Variants in SVOP observed in about 807,000 individuals in gnomAD.
The protein encoded by SVOP is SV2 related protein, also known as synaptic vesicle 2-related protein.
In SVOP, 17 loss-of-function variants were observed where a neutral mutation model predicts 69.1. That is an observed-to-expected ratio of 0.25 (90% CI 0.17 to 0.37). The LOEUF is 0.37. Ranked by LOEUF, SVOP falls within the 10% of genes least tolerant of loss-of-function variation. The pLI, the probability that SVOP is intolerant of heterozygous loss-of-function variation, is 1.00. For synonymous variants in SVOP, 238 were observed against 238.6 expected (o/e 1.00, Z 0.02); for missense variants, 435 against 597.5 (o/e 0.73, Z 2.84).
Position 108,910,134 on chromosome 12 carries a change from TTGTA to T in SVOP, c.*2397_*2400del. On this transcript the variant is annotated 3_prime_UTR_variant, in exon 16 of 16. Transcript: ENST00000610966. ...GCCACCACACCTGGCTAATTTTTTT[TTGTA>T]TTTTTAGTAGAGACGGGGTTTCACC... 1 of 152,142 alleles carries T rather than the reference TTGTA, an allele frequency of 6.6e-6. No homozygotes were observed. Among genetic ancestry groups the T allele is most frequent in the African/African-American group, 2.4e-5 (1 of 41,418 alleles). The allele number at this position is 152,142 out of a possible 1,614,324, so 9.4% of individuals were successfully genotyped here. A position where few individuals can be genotyped will look rare whatever the true frequency, so the allele number is the denominator to read the frequency against.
At chr12:108,916,000 C>T (rs575423171) in intron 14 of SVOP, 128 bp from the exon 15 acceptor site, 52 of 836,046 alleles carry the variant, frequency 6.2e-5, no homozygotes, top group South Asian at 2.7e-4. Flanking sequence ...GTGCTGGTGA[C>T]GCCCTTAAGG....
chr12:108,959,126 A>G (rs1392567959), intron 6 of SVOP, among the ~76,000 whole-genome samples: 1 of 152,122 alleles, frequency 6.6e-6, no homozygotes, highest in East Asian at 1.9e-4. Flanking sequence ...GGTGGAATAA[A>G]TGAATACACT....
At chr12:108,945,251 A>G in intron 6 of SVOP, 85 bp from the exon 7 acceptor site, 1 of 1,317,048 alleles carries the variant, frequency 7.6e-7, no homozygotes, top group Non-Finnish European at 1.1e-6. Flanking sequence ...TGCAGCCGAC[A>G]TTCCTCCAAG....
At chr12:108,973,656 C>G (rs1273540915) in intron 4 of SVOP, among the ~76,000 whole-genome samples, 1 of 152,200 alleles carries the variant, frequency 6.6e-6, no homozygotes, top group Non-Finnish European at 1.5e-5. Context: ...ACATCAGCCT[C>G]CCACAGTGCT....
chr12:109,001,198 C>A (rs2040267273), intron 1 of SVOP, among the ~76,000 whole-genome samples: 1 of 61,722 alleles, frequency 1.6e-5, no homozygotes. Flanking sequence ...TGAGTGAACT[C>A]CCATTCACAA....
At chr12:109,018,539 T>C (rs1053651433) in intron 1 of SVOP, among the ~76,000 whole-genome samples, 3 of 152,182 alleles carry the variant, frequency 2.0e-5, no homozygotes, top group African/African-American at 7.2e-5. Context: ...TTTTTAGCCA[T>C]ATTGCTCTCG....
At chr12:108,934,053 T>G in intron 11 of SVOP, 142 bp downstream of exon 11, 1 of 659,974 alleles carries the variant, frequency 1.5e-6, no homozygotes, top group Non-Finnish European at 2.5e-6. Context: ...TGTCCAGGTT[T>G]CTACAGAGTG....
At chr12:109,002,544 A>T (rs1487088532) in intron 1 of SVOP, among the ~76,000 whole-genome samples, 1 of 145,766 alleles carries the variant, frequency 6.9e-6, no homozygotes, top group African/African-American at 2.5e-5. Context: ...AATAGCAAAG[A>T]CTTGGAACCA....
chr12:108,965,381 T>C (rs1248801716), intron 5 of SVOP, among the ~76,000 whole-genome samples: 1 of 152,102 alleles, frequency 6.6e-6, no homozygotes, highest in Non-Finnish European at 1.5e-5. Context: ...CCCTGTGACC[T>C]CTGACAGAAA....
chr12:108,982,866 T>TCATCATCACTATCATCACCAC (rs2040147647), intron 2 of SVOP, among the ~76,000 whole-genome samples: 1 of 143,916 alleles, frequency 6.9e-6, no homozygotes, highest in East Asian at 2.2e-4. Context: ...ATCACCACCA[T>TCATCATCACTATCATCACCAC]CATCATCATC....
Position 109,008,960 on chromosome 12 carries a change from C to CTTTTTTTTT in SVOP, c.35+11865_35+11873dup, listed in dbSNP as rs71079510. ...TTGTAACTTTTTTTTTCTTTTCTTT[C>CTTTTTTTTT]TTTTTTTTTTTTTTTTTTTGAGATG... On this transcript the variant is annotated intron_variant, in intron 1 of 15. Transcript: ENST00000610966. Among the ~76,000 whole-genome samples, 41 of 112,726 alleles carry CTTTTTTTTT rather than the reference C, an allele frequency of 3.6e-4. 1 individual carries two copies. Among genetic ancestry groups the CTTTTTTTTT allele is most frequent in the Non-Finnish European group, 5.4e-4 (31 of 56,906 alleles). 74.0% of individuals were successfully genotyped at this position (112,726 alleles called of 152,430 possible). A position where few individuals can be genotyped will look rare whatever the true frequency, so the allele number is the denominator to read the frequency against.
At chr12:108,956,217 G>C (rs983035208) in intron 6 of SVOP, among the ~76,000 whole-genome samples, 2 of 151,516 alleles carry the variant, frequency 1.3e-5, no homozygotes, top group Non-Finnish European at 2.9e-5. Context: ...CAGGAGAATG[G>C]TGTGAACCCT....
intron 5 of SVOP, among the ~76,000 whole-genome samples, chr12:108,971,201 G>A (rs968255659): frequency 6.6e-6 from 1 of 152,036 alleles, no homozygotes; most frequent in Non-Finnish European, 1.5e-5. Context: ...GGCCATGGCC[G>A]GTGGATCACT....
At chr12:108,943,800 T>A (rs950599381) in intron 7 of SVOP, among the ~76,000 whole-genome samples, 1 of 151,324 alleles carries the variant, frequency 6.6e-6, no homozygotes, top group African/African-American at 2.5e-5. Context: ...TTCTTCTTCT[T>A]CTCTTTCTCC....
chr12:108,947,424 T>C (rs1399500778), intron 6 of SVOP, among the ~76,000 whole-genome samples: 1 of 152,166 alleles, frequency 6.6e-6, no homozygotes, highest in African/African-American at 2.4e-5. Flanking sequence ...TGTATATTTA[T>C]TTAAAAACGA....
At chr12:108,922,342 C>T (rs1016671264) in intron 12 of SVOP, among the ~76,000 whole-genome samples, 23 of 152,168 alleles carry the variant, frequency 1.5e-4, no homozygotes, top group African/African-American at 5.1e-4. Context: ...GTAGCCTCCA[C>T]GTGGGTCCTT....
At chr12:108,991,606 C>A (rs1410317894) in intron 1 of SVOP, among the ~76,000 whole-genome samples, 3 of 151,928 alleles carry the variant, frequency 2.0e-5, no homozygotes, top group African/African-American at 7.2e-5. Flanking sequence ...TAGGCATGTG[C>A]CACCACGCCT....
intron 6 of SVOP, 127 bp downstream of exon 6, chr12:108,960,796 G>A: frequency 8.6e-7 from 1 of 1,158,936 alleles, no homozygotes; most frequent in East Asian, 2.6e-5. Flanking sequence ...CTTGATCCTG[G>A]AAGCCCTGGT....
chr12:108,978,487 A>T, intron 3 of SVOP, 91 bp downstream of exon 3: 1 of 645,882 alleles, frequency 1.5e-6, no homozygotes, highest in Admixed American at 2.5e-5. Context: ...ATGTGCAAAG[A>T]ACTGTGTCCT....
Sources: gnomAD v4.1 joint callset for allele counts (sites outside exome capture counted in the v4.1 genomes callset) on GRCh38, gnomAD v4.1.1 for gene constraint, MANE v1.5 for transcripts, NCBI Gene and HGNC (gene_info 2026-07-23, HGNC 2026-07-21) for gene names.